Variants in ZNF248 observed in about 807,000 individuals in gnomAD.
The protein encoded by ZNF248 is KRAB protein domain.
Under a neutral mutation model 44.3 loss-of-function variants are expected in ZNF248, and 20 were observed. That is an observed-to-expected ratio of 0.45 (90% CI 0.32 to 0.66). ZNF248 has a LOEUF of 0.66. Ranked by LOEUF, ZNF248 falls within the 30% of genes least tolerant of loss-of-function variation. The pLI is 0.04. For synonymous variants in ZNF248, 224 were observed against 229.0 expected (o/e 0.98, Z 0.20); for missense variants, 654 against 677.0 (o/e 0.97, Z 0.38).
At chr10:37,778,577 T>C (rs899722084) in intron 6 of ZNF248, among the ~76,000 whole-genome samples, 1 of 152,302 alleles carries the variant, frequency 6.6e-6, no homozygotes, top group South Asian at 2.1e-4. Flanking sequence ...TTTGTTGCCA[T>C]TGCTTTTGGT....
At chr10:37,856,640 A>AC (rs1421824593) in intron 1 of ZNF248, 108 bp from the exon 2 acceptor site, 1 of 1,036,868 alleles carries the variant, frequency 9.6e-7, no homozygotes, top group Admixed American at 5.5e-5. Flanking sequence ...AGGGAAAAAA[A>AC]AAAACTGAGG....
chr10:37,767,948 G>A, the ZNF248 span, among the ~76,000 whole-genome samples: 4 of 151,388 alleles, frequency 2.6e-5, no homozygotes, highest in Non-Finnish European at 5.9e-5. Context: ...AAGCAAATGG[G>A]AAACAAAAAA....
In ZNF248 at chr10:37,830,088, G is replaced by A; in HGVS notation, c.*1527C>T. On this transcript the variant is annotated 3_prime_UTR_variant, in exon 6 of 6. Transcript: ENST00000395867. ...TAAAATACTAATACGCAGAACTAGT[G>A]TTACATAGACCGTGCCCAAACAGAT... The A allele has an allele frequency of 1.0e-6, 1 of 985,390 alleles. No individual in the cohort carries two copies. The highest frequency in any genetic ancestry group is 1.2e-6 in the Non-Finnish European group (1 of 829,932). The allele number at this position is 985,390 out of a possible 1,614,324, so 61.0% of individuals were successfully genotyped here.
At chr10:37,846,170 T>C (rs1216110919) in intron 3 of ZNF248, among the ~76,000 whole-genome samples, 1 of 152,208 alleles carries the variant, frequency 6.6e-6, no homozygotes, top group Non-Finnish European at 1.5e-5. Context: ...CCTCCATTTC[T>C]CTTGCTGCAA....
chr10:37,768,298 T>C, the ZNF248 span, among the ~76,000 whole-genome samples: 7 of 152,112 alleles, frequency 4.6e-5, no homozygotes, highest in Admixed American at 1.3e-4. Flanking sequence ...TACAGAAATC[T>C]CCACCCCAAA....
chr10:37,831,279 G>C lies in ZNF248; in HGVS notation c.*336C>G. On this transcript the variant is annotated 3_prime_UTR_variant, in exon 6 of 6. Transcript: ENST00000395867. ...ACTCTTCACATATATGTTTAATGCT[G>C]CTGTCATTCAACTTTTATAAGCTTC... 1 of 1,549,572 alleles carries C rather than the reference G, an allele frequency of 6.5e-7. No individual in the cohort carries two copies. The highest frequency in any genetic ancestry group is 1.2e-5 in the South Asian group (1 of 84,026).
At position 37,828,765 on chromosome 10, in the gene ZNF248, C is replaced by G; in HGVS notation, c.*2850G>C. On this transcript the variant is annotated 3_prime_UTR_variant, in exon 6 of 6. Transcript: ENST00000395867. ...GAAAGGGTGAATTAATCAAACAGTGCAGGGACAACTGGCTATTTATTTGGA... is the reference window on the plus strand; with the variant it reads ...GAAAGGGTGAATTAATCAAACAGTGGAGGGACAACTGGCTATTTATTTGGA... The G allele has an allele frequency of 4.1e-6, 4 of 985,276 alleles. No homozygotes were observed. The highest frequency in any genetic ancestry group is 4.8e-6 in the Non-Finnish European group (4 of 829,838). The allele number at this position is 985,276 out of a possible 1,614,324, so 61.0% of individuals were successfully genotyped here.
intron 6 of ZNF248, chr10:37,818,844 C>G (rs1403046218): frequency 4.2e-6 from 4 of 945,760 alleles, no homozygotes. Flanking sequence ...GAATAGTATT[C>G]TCTTGTAGGA....
Position 37,820,721 on chromosome 10 carries a change from A to G in ZNF248, c.330+12304T>C. ...TACTTCTTTATCACTCAAGGATCCCATGCTGCACAAGCTCTGGTTGGAAGA... is the reference window on the plus strand; with the variant it reads ...TACTTCTTTATCACTCAAGGATCCCGTGCTGCACAAGCTCTGGTTGGAAGA... On this transcript the variant is annotated intron_variant, in intron 6 of 6. Coordinates refer to the ZNF248 transcript ENST00000615949. 2.3e-6 allele frequency: 3 copies of G among 1,328,292 alleles called. No homozygotes were observed. In the Admixed American group the frequency reaches 5.1e-5, roughly 22 times the overall value. The allele number at this position is 1,328,292 out of a possible 1,614,324, so 82.3% of individuals were successfully genotyped here.
intron 6 of ZNF248, among the ~76,000 whole-genome samples, chr10:37,778,491 G>C (rs893554652): frequency 1.3e-5 from 2 of 151,698 alleles, no homozygotes; most frequent in African/African-American, 4.8e-5. Flanking sequence ...TAGGTTGCCT[G>C]TTCACTCTGA....
chr10:37,815,019 C>T (rs2052202219), intron 6 of ZNF248, among the ~76,000 whole-genome samples: 1 of 152,144 alleles, frequency 6.6e-6, no homozygotes, highest in African/African-American at 2.4e-5. Flanking sequence ...TGCATATATT[C>T]ATCCACTTGA....
intron 6 of ZNF248, among the ~76,000 whole-genome samples, chr10:37,805,617 C>T (rs969147651): frequency 1.3e-5 from 2 of 152,256 alleles, no homozygotes; most frequent in South Asian, 4.1e-4. Context: ...GCTGTTCGCT[C>T]AAATAAACTC....
chr10:37,826,242 G>A (rs914994254), downstream of ZNF248, among the ~76,000 whole-genome samples: 2 of 152,038 alleles, frequency 1.3e-5, no homozygotes, highest in African/African-American at 4.8e-5. Flanking sequence ...AAAAGTCCCT[G>A]GTAAAACTAT....
chr10:37,774,989 C>A (rs2046465827), downstream of ZNF248, among the ~76,000 whole-genome samples: 1 of 152,016 alleles, frequency 6.6e-6, no homozygotes, highest in Non-Finnish European at 1.5e-5. Context: ...AAGCTGGTCT[C>A]AAACTCTTGA....
At chr10:37,805,683 C>A (rs1433046517) in intron 6 of ZNF248, among the ~76,000 whole-genome samples, 1 of 152,088 alleles carries the variant, frequency 6.6e-6, no homozygotes, top group Non-Finnish European at 1.5e-5. Flanking sequence ...TAAGGGATCA[C>A]TGGGTCAATG....
At chr10:37,760,554 G>T in the ZNF248 span, among the ~76,000 whole-genome samples, 1 of 152,160 alleles carries the variant, frequency 6.6e-6, no homozygotes, top group Non-Finnish European at 1.5e-5. Context: ...AAGTATTATA[G>T]GCTGGGTGCA....
chr10:37,821,661 C>T (rs974938125), intron 6 of ZNF248, among the ~76,000 whole-genome samples: 2 of 152,190 alleles, frequency 1.3e-5, no homozygotes, highest in Non-Finnish European at 2.9e-5. Context: ...CAACCCACTG[C>T]TCAGTCCCAG....
chr10:37,799,241 TA>T (rs2049511508), intron 6 of ZNF248, among the ~76,000 whole-genome samples: 1 of 151,838 alleles, frequency 6.6e-6, no homozygotes, highest in African/African-American at 2.4e-5. Flanking sequence ...ATAAAAAACC[TA>T]AAAAATGTAC....
intron 3 of ZNF248, among the ~76,000 whole-genome samples, chr10:37,854,617 G>A (rs1443593472): frequency 2.0e-5 from 3 of 152,200 alleles, no homozygotes; most frequent in African/African-American, 7.2e-5. Context: ...CCCATGCATT[G>A]CCAATGGGAA....
Sources: gnomAD v4.1 joint callset for allele counts (sites outside exome capture counted in the v4.1 genomes callset) on GRCh38, gnomAD v4.1.1 for gene constraint, MANE v1.5 for transcripts, NCBI Gene and HGNC (gene_info 2026-07-23, HGNC 2026-07-21) for gene names.